AGFG1: variants seen among roughly 807,000 people sequenced by gnomAD.
AGFG1 encodes arf-GAP domain and FG repeat-containing protein 1.
Under a neutral mutation model 60.6 loss-of-function variants are expected in AGFG1, and 10 were observed. The observed-to-expected ratio is 0.16, with a 90% CI of 0.10 to 0.28. The LOEUF (loss-of-function observed/expected upper bound fraction) is 0.28, where lower values mean the gene tolerates loss of function less well. AGFG1 is among the 10% of genes least tolerant of loss of function. The probability of loss-of-function intolerance (pLI) is 1.00; values close to 1 mark genes in which losing one functional copy is unlikely to be tolerated. For missense variants in AGFG1, 537 were observed against 676.5 expected (o/e 0.79, Z 2.29); for synonymous variants, 247 against 242.9 (o/e 1.02, Z -0.16).
At chr2:227,490,361 G>T (rs558667741) in intron 1 of AGFG1, among the ~76,000 whole-genome samples, 1 of 152,070 alleles carries the variant, frequency 6.6e-6, no homozygotes, top group African/African-American at 2.4e-5. Context: ...GGTGGATCAC[G>T]AGGTCAGGAG....
intron 1 of AGFG1, among the ~76,000 whole-genome samples, chr2:227,474,206 A>G (rs934699994): frequency 2.0e-5 from 3 of 152,372 alleles, no homozygotes; most frequent in Admixed American, 6.5e-5. Context: ...GTTGGACAAT[A>G]TTGGTTCCAA....
intron 1 of AGFG1, among the ~76,000 whole-genome samples, chr2:227,479,832 A>G (rs1690402867): frequency 6.6e-6 from 1 of 152,254 alleles, no homozygotes; most frequent in Admixed American, 6.5e-5. Flanking sequence ...ACACACGAGA[A>G]CTATTGCTAA....
chr2:227,497,217 T>C (rs1483573065), intron 2 of AGFG1, among the ~76,000 whole-genome samples: 1 of 150,868 alleles, frequency 6.6e-6, no homozygotes, highest in Non-Finnish European at 1.5e-5. Context: ...ATCTTTAGAT[T>C]AAGGCAGTAT....
intron 10 of AGFG1, among the ~76,000 whole-genome samples, chr2:227,549,350 G>A (rs1001457899): frequency 5.3e-5 from 8 of 152,174 alleles, no homozygotes; most frequent in Admixed American, 3.3e-4. Context: ...TTGTTAAACC[G>A]AACAAACAAA....
At chr2:227,549,326 A>G (rs2106241588) in intron 10 of AGFG1, among the ~76,000 whole-genome samples, 1 of 152,358 alleles carries the variant, frequency 6.6e-6, no homozygotes, top group East Asian at 1.9e-4. Flanking sequence ...TATATTTTAG[A>G]CACAATCTTC....
intron 2 of AGFG1, among the ~76,000 whole-genome samples, chr2:227,506,329 A>C (rs1691310736): frequency 6.6e-6 from 1 of 152,128 alleles, no homozygotes; most frequent in Non-Finnish European, 1.5e-5. Context: ...AGTCAGCCCC[A>C]TGCACACATA....
intron 1 of AGFG1, among the ~76,000 whole-genome samples, chr2:227,474,860 C>CA (rs1559162113): frequency 2.0e-5 from 3 of 152,194 alleles, no homozygotes; most frequent in African/African-American, 7.2e-5. Flanking sequence ...GAATGTCACT[C>CA]AATCTATTTG....
At chr2:227,486,811 G>T (rs369904242) in intron 1 of AGFG1, among the ~76,000 whole-genome samples, 2 of 152,146 alleles carry the variant, frequency 1.3e-5, no homozygotes, top group African/African-American at 4.8e-5. Context: ...AACTGCAGGG[G>T]TTTTACCCTG....
At chr2:227,514,658 A>T (rs965944307) in intron 2 of AGFG1, among the ~76,000 whole-genome samples, 1 of 152,178 alleles carries the variant, frequency 6.6e-6, no homozygotes, top group Non-Finnish European at 1.5e-5. Flanking sequence ...TTGGAATTCA[A>T]ACTCATGCAG....
At chr2:227,488,492 C>G (rs528890784) in intron 1 of AGFG1, among the ~76,000 whole-genome samples, 39 of 152,162 alleles carry the variant, frequency 2.6e-4, no homozygotes, top group Non-Finnish European at 4.0e-4. Flanking sequence ...ACTCCTTTGC[C>G]TTTTCCATTT....
At position 227,551,984 on chromosome 2, in the gene AGFG1, G is replaced by C. The variant is rs150926349; in HGVS notation, c.1404G>C (p.Met468Ile). 1 of 1,613,996 alleles carries C rather than the reference G, an allele frequency of 6.2e-7. No homozygotes were observed. The highest frequency in any genetic ancestry group is 1.3e-5 in the African/African-American group (1 of 74,924). Residue 468 changes from methionine to isoleucine, a missense_variant, in exon 11 of 13, where the codon ATG (methionine) becomes ATC (isoleucine). Coordinates refer to ENST00000310078, the MANE Select transcript of AGFG1 (RefSeq NM_004504.5). The stretch of plus-strand genomic sequence containing the variant: ...CGGCAACCTTTGGCACTGCATCCAT[G>C]AGCATGCCCACAGGATTCGGCACTC... The part of the protein sequence containing the change: ...ATAATFGTAS[M>I]SMPTGFGTPA...
intron 10 of AGFG1, among the ~76,000 whole-genome samples, chr2:227,543,851 C>CATAT (rs61663054): frequency 6.6e-6 from 1 of 151,104 alleles, no homozygotes; most frequent in South Asian, 2.1e-4. Context: ...GTATTGGGTG[C>CATAT]ATATATATTT....
At chr2:227,504,018 A>G (rs752587558) in intron 2 of AGFG1, among the ~76,000 whole-genome samples, 2 of 152,088 alleles carry the variant, frequency 1.3e-5, no homozygotes, top group Non-Finnish European at 2.9e-5. Context: ...TGTTATTAAG[A>G]CATTAATAAA....
At chr2:227,487,994 T>C (rs1431714890) in intron 1 of AGFG1, among the ~76,000 whole-genome samples, 10 of 152,196 alleles carry the variant, frequency 6.6e-5, no homozygotes, top group Admixed American at 5.2e-4. Flanking sequence ...CATGAACACA[T>C]AAAATTTCCT....
intron 2 of AGFG1, among the ~76,000 whole-genome samples, chr2:227,506,583 C>T (rs1475604183): frequency 9.2e-6 from 1 of 108,110 alleles, no homozygotes; most frequent in Non-Finnish European, 1.9e-5. Flanking sequence ...AAAAAAAGCA[C>T]ATAGGCACAT....
chr2:227,484,970 A>G lies in AGFG1; in HGVS notation c.168-6577A>G, dbSNP rs1048161106. Among the ~76,000 whole-genome samples, 97 of 151,984 alleles carry G rather than the reference A, an allele frequency of 6.4e-4. 2 individuals are homozygous for G. The highest frequency in any genetic ancestry group is 1.2e-4 in the Non-Finnish European group (8 of 67,968). On this transcript the variant is annotated intron_variant, in intron 1 of 12. Transcript: ENST00000310078. Reference sequence around the variant, plus strand: ...GGTGATCTGCCCACCTTGGCCTCCTAAAGTGCTGGGATTACACACATAAGC... The same window carrying G: ...GGTGATCTGCCCACCTTGGCCTCCTGAAGTGCTGGGATTACACACATAAGC...
chr2:227,535,922 C>T (rs1692295511), intron 8 of AGFG1, among the ~76,000 whole-genome samples: 1 of 152,112 alleles, frequency 6.6e-6, no homozygotes, highest in Non-Finnish European at 1.5e-5. Context: ...GAGGTTAAAA[C>T]TTTCTTTATA....
intron 3 of AGFG1, among the ~76,000 whole-genome samples, chr2:227,523,086 C>G (rs1691871416): frequency 6.6e-6 from 1 of 152,138 alleles, no homozygotes; most frequent in Non-Finnish European, 1.5e-5. Flanking sequence ...CTTACCAATT[C>G]TTAAGGATGT....
At position 227,545,328 on chromosome 2, in the gene AGFG1, C is replaced by T. The variant is rs147105406; in HGVS notation, c.1379-6631C>T. Among the ~76,000 whole-genome samples the T allele has an allele frequency of 9.4e-3, 1,438 of 152,292 alleles. 14 individuals carry two copies. The highest frequency in any genetic ancestry group is 0.017 in the Middle Eastern group (5 of 294). ...CTCCATCAGGTCATTTAAGATCTTCCCTACGCTGTTTATTTTGGTTTGCCA... is the reference window on the plus strand; with the variant it reads ...CTCCATCAGGTCATTTAAGATCTTCTCTACGCTGTTTATTTTGGTTTGCCA... On this transcript the variant is annotated intron_variant, in intron 10 of 12. Coordinates refer to ENST00000310078, the MANE Select transcript of AGFG1 (RefSeq NM_004504.5).
Sources: gnomAD v4.1 joint callset for allele counts (sites outside exome capture counted in the v4.1 genomes callset) on GRCh38, gnomAD v4.1.1 for gene constraint, MANE v1.5 for transcripts, NCBI Gene and HGNC (gene_info 2026-07-23, HGNC 2026-07-21) for gene names.